The following ACSM1 variants were observed in gnomAD, a reference collection of about 807,000 sequenced individuals.
ACSM1 encodes acyl-CoA synthetase medium chain family member 1.
A neutral mutation model predicts 75.8 loss-of-function variants in ACSM1; 79 were observed. The observed-to-expected ratio is 1.04, with a 90% CI of 0.87 to 1.26. ACSM1 has a LOEUF of 1.26. ACSM1 is among the 50% of genes most tolerant of loss of function. The pLI is 0.00. For missense variants in ACSM1, 676 were observed against 720.1 expected, an observed-to-expected ratio of 0.94 and a Z score of 0.70; for synonymous variants, 279 against 265.8, an observed-to-expected ratio of 1.05 and a Z score of -0.48.
chr16:20,662,553 C>T (rs1040322386), intron 6 of ACSM1, among the ~76,000 whole-genome samples: 8 of 152,058 alleles, frequency 5.3e-5, no homozygotes, highest in African/African-American at 1.7e-4. Context: ...GAGTGAAGAA[C>T]AGTAAAGAGA....
chr16:20,625,352 C>A, intron 12 of ACSM1, 71 bp downstream of exon 12: 1 of 1,475,926 alleles, frequency 6.8e-7, no homozygotes, highest in African/African-American at 1.4e-5. Context: ...CAGGTAAAGC[C>A]TGGATGTTTC....
At chr16:20,689,624 T>C (rs952877104) in intron 2 of ACSM1, among the ~76,000 whole-genome samples, 11 of 152,346 alleles carry the variant, frequency 7.2e-5, no homozygotes, top group African/African-American at 2.4e-4. Flanking sequence ...ATTGTTTTTA[T>C]AATAAAATGC....
chr16:20,679,899 C>T (rs1234032603), intron 4 of ACSM1: 4 of 152,196 alleles, frequency 2.6e-5, no homozygotes, highest in Admixed American at 6.5e-5. Flanking sequence ...AGAAGCCCCT[C>T]CCTCCTGTAA....
In ACSM1 at chr16:20,650,391, G is replaced by A. The variant is rs370683691; in HGVS notation, c.993-9807C>T. ...GGGTGATCAGGGGACTCGTGGGAGT[G>A]TCTGGGAGCTTGACCCCCCACAACG... On this transcript the variant is annotated intron_variant, in intron 7 of 13. Coordinates refer to ENST00000520010, the MANE Select transcript of ACSM1 (RefSeq NM_001318890.3). Among the ~76,000 whole-genome samples, 3 of 152,056 alleles carry A rather than the reference G, an allele frequency of 2.0e-5. 1 individual carries two copies. The East Asian group carries it at 5.8e-4, about 29-fold the overall frequency.
chr16:20,672,330 C>G (rs953925997), intron 4 of ACSM1, among the ~76,000 whole-genome samples: 1 of 148,758 alleles, frequency 6.7e-6, no homozygotes, highest in Non-Finnish European at 1.5e-5. Flanking sequence ...CGCTTATACT[C>G]CCAGCTACTC....
At chr16:20,691,750 AATGTGTG>A (rs2079654631) in intron 1 of ACSM1, among the ~76,000 whole-genome samples, 1 of 87,900 alleles carries the variant, frequency 1.1e-5, no homozygotes, top group Non-Finnish European at 2.2e-5. Context: ...ATACCTCTCC[AATGTGTG>A]TGTGTGTGTG....
chr16:20,634,553 G>A (rs2017540239), intron 10 of ACSM1, among the ~76,000 whole-genome samples: 1 of 152,186 alleles, frequency 6.6e-6, no homozygotes, highest in Non-Finnish European at 1.5e-5. Context: ...AGACATAGAT[G>A]AACCTTGAAA....
At chr16:20,641,622 G>A (rs1353698757) in intron 7 of ACSM1, among the ~76,000 whole-genome samples, 1 of 152,188 alleles carries the variant, frequency 6.6e-6, no homozygotes, top group Non-Finnish European at 1.5e-5. Context: ...AATAGCATGG[G>A]CTCCCAGGGC....
At chr16:20,627,091 C>T in intron 11 of ACSM1, 98 bp downstream of exon 11, 4 of 1,430,800 alleles carry the variant, frequency 2.8e-6, no homozygotes, top group Non-Finnish European at 3.7e-6. Context: ...CAGATTTAGG[C>T]TGAAATTTCA....
At chr16:20,638,908 C>A (rs76583638) in intron 8 of ACSM1, among the ~76,000 whole-genome samples, 2,162 of 152,274 alleles carry the variant, frequency 0.014, 53 homozygotes, top group African/African-American at 0.05. Flanking sequence ...CCTGGCCCAC[C>A]CTCCTCCTTG....
Position 20,685,346 on chromosome 16 carries a change from C to G in ACSM1, c.250G>C (p.Val84Leu). Residue 84 changes from valine (V) to leucine (L), a missense_variant, in exon 3 of 14, where the codon GTA (valine) becomes CTA (leucine). Val to Leu is a conservative substitution (Grantham distance 32). Coordinates refer to ENST00000520010, the MANE Select transcript of ACSM1 (RefSeq NM_001318890.3). Reference sequence around the variant, plus strand: ...CCCATCTCTCTGAAGCTCCACTTTACTTCATCCCCTTGGCCATTCACCCAC... The same window carrying G: ...CCCATCTCTCTGAAGCTCCACTTTAGTTCATCCCCTTGGCCATTCACCCAC... ...FWWVNGQGDE[V>L]KWSFREMGDL... 1 of 1,614,226 alleles carries G rather than the reference C, an allele frequency of 6.2e-7. No homozygotes were observed. Among genetic ancestry groups the G allele is most frequent in the Non-Finnish European group, 8.5e-7 (1 of 1,180,024 alleles).
At chr16:20,645,198 C>G (rs1327991663) in intron 7 of ACSM1, among the ~76,000 whole-genome samples, 7 of 152,176 alleles carry the variant, frequency 4.6e-5, no homozygotes, top group Admixed American at 3.3e-4. Flanking sequence ...AAAACAGGTG[C>G]AGGACTGCTA....
chr16:20,665,871 T>C (rs1384892693), intron 6 of ACSM1, among the ~76,000 whole-genome samples: 1 of 151,892 alleles, frequency 6.6e-6, no homozygotes, highest in Non-Finnish European at 1.5e-5. Flanking sequence ...TTAAACAGAA[T>C]AAAAAAGAAA....
intron 7 of ACSM1, among the ~76,000 whole-genome samples, chr16:20,655,250 G>A (rs1244097345): frequency 8.3e-6 from 1 of 121,170 alleles, no homozygotes; most frequent in Non-Finnish European, 1.7e-5. Context: ...GCCTGTTGTG[G>A]GGTGGGGGGA....
At chr16:20,695,585 A>G (rs2079685223) in intron 1 of ACSM1, among the ~76,000 whole-genome samples, 1 of 152,148 alleles carries the variant, frequency 6.6e-6, no homozygotes, top group South Asian at 2.1e-4. Context: ...TTACCTATCT[A>G]TTATCTATCT....
intron 3 of ACSM1, among the ~76,000 whole-genome samples, chr16:20,683,251 G>A (rs2079482617): frequency 6.6e-6 from 1 of 151,860 alleles, no homozygotes; most frequent in Non-Finnish European, 1.5e-5. Flanking sequence ...TCCAGCAGCT[G>A]GGATTAAAGG....
At position 20,634,033 on chromosome 16, in the gene ACSM1, C is replaced by T. The variant is rs370673915; in HGVS notation, c.1299+2706G>A. ...AGTGTGGTATTGGCATAAAGACAGA[C>T]AGATCATTGCAATAGAATAGAGAGT... On this transcript the variant is annotated intron_variant, in intron 10 of 13. Coordinates refer to ENST00000520010, the MANE Select transcript of ACSM1 (RefSeq NM_001318890.3). 1.8e-4 allele frequency among the ~76,000 whole-genome samples: 27 copies of T among 152,270 alleles called. No individual in the cohort carries two copies. The East Asian group carries it at 4.1e-3, about 23-fold the overall frequency.
chr16:20,646,618 T>A (rs1440529018), intron 7 of ACSM1, among the ~76,000 whole-genome samples: 3 of 152,144 alleles, frequency 2.0e-5, no homozygotes, highest in African/African-American at 7.2e-5. Flanking sequence ...CTGGGGAACT[T>A]TACTCTTTTC....
At chr16:20,649,364 C>A (rs1346921148) in intron 7 of ACSM1, among the ~76,000 whole-genome samples, 1 of 152,148 alleles carries the variant, frequency 6.6e-6, no homozygotes, top group Non-Finnish European at 1.5e-5. Context: ...TATTTTACCC[C>A]TGAACATATT....
Sources: allele counts gnomAD v4.1 joint callset (sites outside exome capture counted in the v4.1 genomes callset), GRCh38; gene constraint gnomAD v4.1.1; transcripts MANE v1.5; gene names NCBI Gene and HGNC (gene_info 2026-07-23, HGNC 2026-07-21).